Variants in PDE4D observed in about 807,000 individuals in gnomAD.
PDE4D encodes phosphodiesterase 4D, also known as 3',5'-cyclic-AMP phosphodiesterase 4D.
A neutral mutation model predicts 87.4 loss-of-function variants in PDE4D; 24 were observed. That is an observed-to-expected ratio of 0.27 (90% CI 0.20 to 0.39). The LOEUF is 0.39. Ranked by LOEUF, PDE4D falls within the 10% of genes least tolerant of loss-of-function variation. PDE4D has a pLI of 1.00. For missense variants in PDE4D, 714 were observed against 1,041.0 expected, an observed-to-expected ratio of 0.69 and a Z score of 4.32; for synonymous variants, 384 against 383.2, an observed-to-expected ratio of 1.00 and a Z score of -0.02.
chr5:59,059,350 C>G (rs769332723), intron 5 of PDE4D, among the ~76,000 whole-genome samples: 1 of 152,194 alleles, frequency 6.6e-6, no homozygotes, highest in African/African-American at 2.4e-5. Flanking sequence ...GAAATTACCT[C>G]TCCCACCTCT....
At chr5:60,004,725 C>T (rs1293265785) in intron 2 of PDE4D, among the ~76,000 whole-genome samples, 1 of 152,132 alleles carries the variant, frequency 6.6e-6, no homozygotes, top group African/African-American at 2.4e-5. Flanking sequence ...AAATGGTGTT[C>T]ACCATCATTA....
intron 5 of PDE4D, among the ~76,000 whole-genome samples, chr5:59,165,779 C>G (rs1781836355): frequency 6.6e-6 from 1 of 152,170 alleles, no homozygotes; most frequent in South Asian, 2.1e-4. Flanking sequence ...CATTTTATAA[C>G]ATAGTTTGGT....
intron 1 of PDE4D, among the ~76,000 whole-genome samples, chr5:59,674,053 T>C (rs1747659277): frequency 6.6e-6 from 1 of 152,184 alleles, no homozygotes; most frequent in Non-Finnish European, 1.5e-5. Flanking sequence ...AGTGATGCCC[T>C]GCTAGGATGC....
At chr5:60,173,001 T>C (rs1288402536) in intron 2 of PDE4D, among the ~76,000 whole-genome samples, 4 of 152,174 alleles carry the variant, frequency 2.6e-5, no homozygotes, top group South Asian at 4.1e-4. Flanking sequence ...CTTTCTGTCA[T>C]AGAGTGCAAA....
At chr5:59,509,058 A>G (rs1340955462) in intron 1 of PDE4D, among the ~76,000 whole-genome samples, 1 of 152,094 alleles carries the variant, frequency 6.6e-6, no homozygotes, top group African/African-American at 2.4e-5. Context: ...AGACACCAAC[A>G]CTCATATTTA....
intron 6 of PDE4D, chr5:58,999,771 C>A: frequency 9.7e-7 from 1 of 1,025,886 alleles, no homozygotes. Flanking sequence ...CAAAATTCAG[C>A]AACTATTCTG....
At chr5:60,218,658 A>C (rs1164650492) in intron 1 of PDE4D, among the ~76,000 whole-genome samples, 2 of 152,102 alleles carry the variant, frequency 1.3e-5, no homozygotes, top group Admixed American at 1.3e-4. Context: ...TGTGAAGTCC[A>C]CATTTCTTCC....
intron 1 of PDE4D, among the ~76,000 whole-genome samples, chr5:59,369,583 C>A (rs945117874): frequency 6.6e-6 from 1 of 152,026 alleles, no homozygotes; most frequent in Non-Finnish European, 1.5e-5. Flanking sequence ...TCCCCAGGGA[C>A]CTTTTGTGGG....
chr5:60,416,850 A>T (rs1401006452), intron 1 of PDE4D, among the ~76,000 whole-genome samples: 1 of 152,238 alleles, frequency 6.6e-6, no homozygotes, highest in Admixed American at 6.5e-5. Flanking sequence ...GCTGTGTCCC[A>T]CTTTACCCCC....
intron 1 of PDE4D, among the ~76,000 whole-genome samples, chr5:59,472,839 TA>T (rs1319956544): frequency 5.3e-5 from 8 of 151,618 alleles, no homozygotes; most frequent in Admixed American, 1.3e-4. Context: ...CTTAATGACT[TA>T]AAAAAAAGAA....
At chr5:58,991,264 G>T (rs1472533879) in intron 8 of PDE4D, among the ~76,000 whole-genome samples, 1 of 150,386 alleles carries the variant, frequency 6.6e-6, no homozygotes, top group Non-Finnish European at 1.5e-5. Flanking sequence ...AATCCAACCT[G>T]GGTGACAGGG....
rs578184969 is a variant in PDE4D at position 59,877,498 on chromosome 5, A to AAAG, written c.455+15667_455+15669dup. 3.9e-4 allele frequency among the ~76,000 whole-genome samples: 54 copies of AAAG among 137,330 alleles called. 1 individual carries two copies. The highest frequency in any genetic ancestry group is 3.6e-3 in the Middle Eastern group (1 of 276). The allele number at this position is 137,330 out of a possible 152,430, so 90.1% of individuals were successfully genotyped here. A position where few individuals can be genotyped will look rare whatever the true frequency, so the allele number is the denominator to read the frequency against. The stretch of plus-strand genomic sequence containing the variant: ...AGAACCTAAAAAAAAAAAAAAAAAA[A>AAAG]AAGAAGAAGAACAAAAAAAAAGCTT... On this transcript the variant is annotated intron_variant, in intron 1 of 14. Transcript: ENST00000340635.
intron 1 of PDE4D, among the ~76,000 whole-genome samples, chr5:59,341,604 G>A (rs1778733216): frequency 6.6e-6 from 1 of 152,028 alleles, no homozygotes; most frequent in African/African-American, 2.4e-5. Context: ...TCTTGGCAAA[G>A]GTATGTATGT....
chr5:59,958,691 C>A (rs1759131994), intron 3 of PDE4D, among the ~76,000 whole-genome samples: 1 of 152,006 alleles, frequency 6.6e-6, no homozygotes, highest in South Asian at 2.1e-4. Context: ...AGGAATATAT[C>A]CCAAAATAAT....
intron 1 of PDE4D, among the ~76,000 whole-genome samples, chr5:59,786,013 C>G (rs1765133964): frequency 6.6e-6 from 1 of 151,990 alleles, no homozygotes; most frequent in African/African-American, 2.4e-5. Flanking sequence ...GTGGGGGGAA[C>G]TGGCAGTGTT....
At chr5:59,909,434 T>C (rs1377359829) in intron 3 of PDE4D, among the ~76,000 whole-genome samples, 1 of 152,046 alleles carries the variant, frequency 6.6e-6, no homozygotes, top group African/African-American at 2.4e-5. Context: ...CTTGCTCTGT[T>C]ACCCAGGCTG....
chr5:59,607,985 A>G (rs1229563069), intron 1 of PDE4D, among the ~76,000 whole-genome samples: 1 of 152,100 alleles, frequency 6.6e-6, no homozygotes, highest in Non-Finnish European at 1.5e-5. Context: ...TTATTTCTGT[A>G]AGAACAATTA....
chr5:60,517,904 G>A (rs1750871821), intron 1 of PDE4D, among the ~76,000 whole-genome samples: 1 of 152,222 alleles, frequency 6.6e-6, no homozygotes, highest in Admixed American at 6.5e-5. Context: ...TTGCAGGTGA[G>A]AAGAGGGAGA....
intron 1 of PDE4D, among the ~76,000 whole-genome samples, chr5:59,692,885 C>A (rs1268178506): frequency 2.0e-5 from 3 of 151,968 alleles, no homozygotes; most frequent in Admixed American, 2.0e-4. Flanking sequence ...TGAATATTAA[C>A]CATTTACATA....
Sources: allele counts gnomAD v4.1 joint callset (sites outside exome capture counted in the v4.1 genomes callset), GRCh38; gene constraint gnomAD v4.1.1; transcripts MANE v1.5; gene names NCBI Gene and HGNC (gene_info 2026-07-23, HGNC 2026-07-21).